The following GIT1 variants were observed in gnomAD, a reference collection of about 807,000 sequenced individuals.
The protein encoded by GIT1 is ARF GTPase-activating protein GIT1.
Under a neutral mutation model 91.7 loss-of-function variants are expected in GIT1, and 14 were observed. The observed-to-expected ratio is 0.15, with a 90% CI of 0.10 to 0.24. The LOEUF (loss-of-function observed/expected upper bound fraction) is 0.24. Ranked by LOEUF, GIT1 falls within the 10% of genes least tolerant of loss-of-function variation. The pLI, the probability that GIT1 is intolerant of heterozygous loss-of-function variation, is 1.00. For missense variants in GIT1, 717 were observed against 1,024.9 expected (o/e 0.70, Z 4.10); for synonymous variants, 414 against 418.2 (o/e 0.99, Z 0.12).
rs2033177204 is a variant in GIT1, at chr17:29,575,893, C to T, written c.1671G>A (p.Arg557=). 1 of 1,607,082 alleles carries T rather than the reference C, an allele frequency of 6.2e-7. No individual in the cohort carries two copies. Among genetic ancestry groups the T allele is most frequent in the Non-Finnish European group, 8.5e-7 (1 of 1,176,676 alleles). The change falls in exon 16 of 20, where the codon CGG becomes CGA. Residue 557 remains arginine (R), a synonymous_variant. Transcript: ENST00000225394. The surrounding 1 kb of genome is among the most constrained non-coding windows in gnomAD (Gnocchi z 5.5). ...VHVPAGLYRI[R]KGVSASAVPF... ...GCACAGCTGAGGCAGACACCCCTTTCCGGATCTGAAACCCAGGGCAGCGCT... is the reference window on the plus strand; with the variant it reads ...GCACAGCTGAGGCAGACACCCCTTTTCGGATCTGAAACCCAGGGCAGCGCT...
In GIT1 at chr17:29,581,963, G is replaced by A. The variant is rs1441014839; in HGVS notation, c.587C>T (p.Pro196Leu). The change falls in exon 5 of 20, where the codon CCT becomes CTT. Residue 196 changes from proline to leucine, a missense_variant. This residue lies in a region of GIT1 where 271 missense variants were observed against 451.6 expected (regional missense o/e 0.60). Transcript: ENST00000225394. The surrounding 1 kb of genome is among the most constrained non-coding windows in gnomAD (Gnocchi z 4.8). The part of the protein sequence containing the change: ...LVVYGADPGS[P>L]DVNGRTPIDY... ...AATGGGTGTGCGGCCATTAACATCAGGGGAGCCAGGGTCAGCCCCATACAC... is the reference window on the plus strand; with the variant it reads ...AATGGGTGTGCGGCCATTAACATCAAGGGAGCCAGGGTCAGCCCCATACAC... 6.2e-7 allele frequency: 1 copy of A among 1,612,820 alleles called. No individual in the cohort carries two copies. The highest frequency in any genetic ancestry group is 8.5e-7 in the Non-Finnish European group (1 of 1,180,004).
At chr17:29,576,702 C>G in intron 12 of GIT1, 28 bp from the exon 13 acceptor site, 1 of 1,612,558 alleles carries the variant, frequency 6.2e-7, no homozygotes, top group Non-Finnish European at 8.5e-7. Flanking sequence ...AGCTGGTCAG[C>G]ACCTGGGGGC....
At chr17:29,587,301 C>T (rs1169939213) in intron 1 of GIT1, among the ~76,000 whole-genome samples, 3 of 152,194 alleles carry the variant, frequency 2.0e-5, no homozygotes, top group Non-Finnish European at 2.9e-5. Flanking sequence ...AGGGTCCTAA[C>T]AAGCAGCCAA....
In GIT1 at chr17:29,575,043, C is replaced by A. The variant is rs751954140; in HGVS notation, c.2073+36G>T. The A allele has an allele frequency of 6.5e-7, 1 of 1,529,144 alleles. No homozygotes were observed. Among genetic ancestry groups the A allele is most frequent in the South Asian group, 1.2e-5 (1 of 83,358 alleles). 94.7% of individuals were successfully genotyped at this position (1,529,144 alleles called of 1,614,324 possible). ...TCTCCACGCCTGCCCCAGCTCGAGGCCCTCCCACTCCTGGTCCTCTCTTTG... is the reference window on the plus strand; with the variant it reads ...TCTCCACGCCTGCCCCAGCTCGAGGACCTCCCACTCCTGGTCCTCTCTTTG... On this transcript the variant is annotated intron_variant, in intron 19 of 19. Transcript: ENST00000225394. This position sits in a 1 kb window ranked among gnomAD's most constrained non-coding sequence, Gnocchi z 5.5.
rs1490359874 is a variant in GIT1 at position 29,589,337 on chromosome 17, G to A, written c.42C>T (p.Cys14=). 1 of 1,073,052 alleles carries A rather than the reference G, an allele frequency of 9.3e-7. No homozygotes were observed. Among genetic ancestry groups the A allele is most frequent in the South Asian group, 2.7e-5 (1 of 36,716 alleles). The allele number at this position is 1,073,052 out of a possible 1,614,324, so 66.5% of individuals were successfully genotyped here. A position where few individuals can be genotyped will look rare whatever the true frequency, so the allele number is the denominator to read the frequency against. ...KGPRAEVCAD[C]SAPDPGWASI... Reference sequence around the variant, plus strand: ...CCCCGCCGCGCTTACCCGGGGCGCTGCAGTCCGCACACACCTCCGCTCGCG... The same window carrying A: ...CCCCGCCGCGCTTACCCGGGGCGCTACAGTCCGCACACACCTCCGCTCGCG... Residue 14 remains cysteine, a synonymous_variant, in exon 1 of 20, where the codon TGC becomes TGT. Coordinates refer to ENST00000225394, the MANE Select transcript of GIT1 (RefSeq NM_014030.4). This position sits in a 1 kb window ranked among gnomAD's most constrained non-coding sequence, Gnocchi z 5.2.
At chr17:29,579,526 G>A (rs1159853645) in intron 7 of GIT1, among the ~76,000 whole-genome samples, 3 of 152,088 alleles carry the variant, frequency 2.0e-5, no homozygotes, top group Admixed American at 6.5e-5. Context: ...TGGGAGGTTC[G>A]CTTGAGGCCA....
chr17:29,579,645 G>A (rs117777108), intron 7 of GIT1, among the ~76,000 whole-genome samples: 2,783 of 152,068 alleles, frequency 0.018, 41 homozygotes, highest in Non-Finnish European at 0.031. Flanking sequence ...GCTATGGTAG[G>A]AGGATCGTTT....
At chr17:29,583,245 C>G (rs1039988729) in intron 2 of GIT1, among the ~76,000 whole-genome samples, 3 of 152,150 alleles carry the variant, frequency 2.0e-5, no homozygotes, top group African/African-American at 7.2e-5. Flanking sequence ...GGTGAAGCAA[C>G]TTGCTCAATG....
chr17:29,578,653 A>T (rs1351165629), intron 8 of GIT1, 78 bp downstream of exon 8: 1 of 1,275,264 alleles, frequency 7.8e-7, no homozygotes, highest in African/African-American at 1.5e-5. Context: ...AGTCAGAGGC[A>T]GAGGAAGCAA....
intron 1 of GIT1, among the ~76,000 whole-genome samples, chr17:29,587,108 G>A (rs982795337): frequency 1.3e-5 from 2 of 152,176 alleles, no homozygotes; most frequent in South Asian, 2.1e-4. Flanking sequence ...CATAATAAAA[G>A]AAGCCTGTGA....
chr17:29,583,627 G>T lies in GIT1; in HGVS notation c.53-11C>A. On this transcript the variant is annotated splice_polypyrimidine_tract_variant and intron_variant, in intron 1 of 19. Transcript: ENST00000225394. ...ATGCCCAGCCAGGGTCTGCCAGGGTGAGGGCAAGGGTCAGCCGGAGCCAGA... is the reference window on the plus strand; with the variant it reads ...ATGCCCAGCCAGGGTCTGCCAGGGTTAGGGCAAGGGTCAGCCGGAGCCAGA... 1.3e-6 allele frequency: 2 copies of T among 1,574,754 alleles called. No homozygotes were observed. Among genetic ancestry groups the T allele is most frequent in the Non-Finnish European group, 8.6e-7 (1 of 1,162,352 alleles).
rs947968361 is a variant in GIT1, at chr17:29,589,461, C to A, written c.-83G>T. On this transcript the variant is annotated 5_prime_UTR_variant, in exon 1 of 20. Coordinates refer to ENST00000225394, the MANE Select transcript of GIT1 (RefSeq NM_014030.4). The surrounding 1 kb of genome is among the most constrained non-coding windows in gnomAD (Gnocchi z 5.2). ...GCCCGGGCGGCGGCGGCGGCCCCTG[C>A]TGCCCGGCCCGGCTCCGGCGAGGCC... The A allele has an allele frequency of 1.1e-4, 52 of 464,600 alleles. No homozygotes were observed. The highest frequency in any genetic ancestry group is 1.5e-4 in the Non-Finnish European group (52 of 356,330). 28.8% of individuals were successfully genotyped at this position (464,600 alleles called of 1,614,324 possible).
chr17:29,578,532 A>G (rs765748933), intron 8 of GIT1, among the ~76,000 whole-genome samples, 161 bp from the exon 9 acceptor site: 6 of 152,194 alleles, frequency 3.9e-5, no homozygotes, highest in Admixed American at 3.9e-4. Flanking sequence ...TCATGTTCCA[A>G]ACTCCAAGGT....
Position 29,576,360 on chromosome 17 carries a change from T to C in GIT1, c.1471A>G (p.Thr491Ala), listed in dbSNP as rs1464295826. ...PPLPSERAEH[T>A]PMAPGGSTHR... The stretch of plus-strand genomic sequence containing the variant: ...GTGCTCCCGCCTGGCGCCATGGGTG[T>C]GTGTTCCGCCCGTTCACTGGGGAGT... The change falls in exon 14 of 20, where the codon ACA becomes GCA. Residue 491 changes from threonine (T) to alanine (A), a missense_variant. This residue lies in a region of GIT1 where 312 missense variants were observed against 349.5 expected (regional missense o/e 0.89). Coordinates refer to ENST00000225394, the MANE Select transcript of GIT1 (RefSeq NM_014030.4). 1 of 1,613,432 alleles carries C rather than the reference T, an allele frequency of 6.2e-7. No homozygotes were observed. Among genetic ancestry groups the C allele is most frequent in the Non-Finnish European group, 8.5e-7 (1 of 1,179,972 alleles).
chr17:29,589,021 G>A lies in GIT1; in HGVS notation c.52+306C>T, dbSNP rs1774104358. Among the ~76,000 whole-genome samples, 1 of 152,208 alleles carries A rather than the reference G, an allele frequency of 6.6e-6. No homozygotes were observed. Among genetic ancestry groups the A allele is most frequent in the African/African-American group, 2.4e-5 (1 of 41,454 alleles). ...CCTGCCACCCCAGGCTGGCGCTTCC[G>A]TCGGATACAGAGATGGAGGTGGAGG... On this transcript the variant is annotated intron_variant, in intron 1 of 19. Coordinates refer to ENST00000225394, the MANE Select transcript of GIT1 (RefSeq NM_014030.4). The surrounding 1 kb of genome is among the most constrained non-coding windows in gnomAD (Gnocchi z 5.2).
Position 29,575,172 on chromosome 17 carries a change from G to A in GIT1, c.2010-30C>T, listed in dbSNP as rs750836667. The A allele has an allele frequency of 2.5e-6, 4 of 1,578,380 alleles. No individual in the cohort carries two copies. Among genetic ancestry groups the A allele is most frequent in the Non-Finnish European group, 3.5e-6 (4 of 1,157,136 alleles). On this transcript the variant is annotated intron_variant, in intron 18 of 19. Transcript: ENST00000225394. The surrounding 1 kb of genome is among the most constrained non-coding windows in gnomAD (Gnocchi z 5.5). ...GGGGAGAAGGGAGGCTATAAAGCAG[G>A]GGGCTCTCAAGGGAGGTTCCCAGGG... is the stretch of plus-strand genomic sequence containing the variant.
chr17:29,574,983 T>C, intron 19 of GIT1, 69 bp from the exon 20 acceptor site: 1 of 1,487,918 alleles, frequency 6.7e-7, no homozygotes, highest in Non-Finnish European at 9.2e-7. Flanking sequence ...GCCCAGTTTG[T>C]CTGTGTCTCC....
In GIT1 at chr17:29,589,418, G is replaced by C. The variant is rs1391489735; in HGVS notation, c.-40C>G. The C allele has an allele frequency of 8.8e-6, 8 of 906,474 alleles. No individual in the cohort carries two copies. In the African/African-American group the frequency reaches 9.1e-5, roughly 10 times the overall value. The allele number at this position is 906,474 out of a possible 1,614,324, so 56.2% of individuals were successfully genotyped here. A position where few individuals can be genotyped will look rare whatever the true frequency, so the allele number is the denominator to read the frequency against. ...CGGCCGCAGCCCTCTGGGCCAGCGT[G>C]GGGGGCGCGGGCGGCGGGCCCGGGC... On this transcript the variant is annotated 5_prime_UTR_variant, in exon 1 of 20. Transcript: ENST00000225394. The surrounding 1 kb of genome is among the most constrained non-coding windows in gnomAD (Gnocchi z 5.2).
rs1205081393 is a variant in GIT1 at position 29,581,487 on chromosome 17, G to A, written c.719-107C>T. The A allele has an allele frequency of 3.2e-6, 3 of 939,878 alleles. No homozygotes were observed. The highest frequency in any genetic ancestry group is 5.2e-6 in the Non-Finnish European group (3 of 578,068). 58.2% of individuals were successfully genotyped at this position (939,878 alleles called of 1,614,324 possible). A position where few individuals can be genotyped will look rare whatever the true frequency, so the allele number is the denominator to read the frequency against. On this transcript the variant is annotated intron_variant, in intron 6 of 19. Coordinates refer to ENST00000225394, the MANE Select transcript of GIT1 (RefSeq NM_014030.4). This position sits in a 1 kb window ranked among gnomAD's most constrained non-coding sequence, Gnocchi z 4.8. The stretch of plus-strand genomic sequence containing the variant: ...AGGGCTGGCACCCAGAAGTGTCAGG[G>A]GAAAGTGGGGAGGGCAGGCCACCCC...
Sources: gnomAD v4.1 joint callset for allele counts (sites outside exome capture counted in the v4.1 genomes callset) on GRCh38, gnomAD v4.1.1 for gene constraint, gnomAD v4.1.1 regional missense constraint, Gnocchi (gnomAD v3.1) non-coding constraint, MANE v1.5 for transcripts, NCBI Gene and HGNC (gene_info 2026-07-23, HGNC 2026-07-21) for gene names.